RALGAPA2: variants seen among roughly 807,000 people sequenced by gnomAD.
RALGAPA2 encodes the protein ral GTPase-activating protein subunit alpha-2.
Under a neutral mutation model 230.4 loss-of-function variants are expected in RALGAPA2, and 139 were observed. That is an observed-to-expected ratio of 0.60 (90% CI 0.53 to 0.69). The LOEUF (loss-of-function observed/expected upper bound fraction) is 0.69, where lower values mean the gene tolerates loss of function less well. Among genes scored for constraint, RALGAPA2 ranks in the 30% least tolerant of loss-of-function variants. The pLI, the probability that RALGAPA2 is intolerant of heterozygous loss-of-function variation, is 0.00. For missense variants in RALGAPA2, 2,163 were observed against 2,276.0 expected (o/e 0.95, Z 1.01); for synonymous variants, 847 against 837.8 (o/e 1.01, Z -0.19).
chr20:20,555,241 G>A (rs563411046), intron 23 of RALGAPA2, among the ~76,000 whole-genome samples: 2 of 152,154 alleles, frequency 1.3e-5, no homozygotes, highest in African/African-American at 2.4e-5. Flanking sequence ...ATGGGCTTAC[G>A]AGTTTACTTC....
intron 24 of RALGAPA2, among the ~76,000 whole-genome samples, chr20:20,544,856 A>G (rs1236065282): frequency 6.7e-6 from 1 of 148,182 alleles, no homozygotes; most frequent in Non-Finnish European, 1.5e-5. Flanking sequence ...AATATCACAT[A>G]CTGGGGCCTG....
chr20:20,474,465 C>A (rs988481979), intron 36 of RALGAPA2, among the ~76,000 whole-genome samples: 2 of 152,136 alleles, frequency 1.3e-5, no homozygotes, highest in Non-Finnish European at 2.9e-5. Context: ...TGTTTTGGCA[C>A]CTGTGTTGAC....
At chr20:20,590,635 C>A (rs2065260329) in intron 17 of RALGAPA2, among the ~76,000 whole-genome samples, 1 of 152,178 alleles carries the variant, frequency 6.6e-6, no homozygotes, top group African/African-American at 2.4e-5. Context: ...CTTTCCACAC[C>A]CTGTTGCTGC....
intron 16 of RALGAPA2, among the ~76,000 whole-genome samples, chr20:20,595,500 G>A (rs954983607): frequency 3.3e-5 from 5 of 152,100 alleles, no homozygotes; most frequent in Admixed American, 1.3e-4. Flanking sequence ...CAGAAGCAGC[G>A]AGGCAAGGTT....
chr20:20,469,627 ACTC>A (rs1402117566), intron 37 of RALGAPA2, among the ~76,000 whole-genome samples: 1 of 152,088 alleles, frequency 6.6e-6, no homozygotes, highest in Non-Finnish European at 1.5e-5. Flanking sequence ...TTCAGGGTGA[ACTC>A]CTCCTAACGG....
In RALGAPA2 at chr20:20,482,023, A is replaced by G. The variant is rs115006166; in HGVS notation, c.5368-9067T>C. ...GAAATGTAAGGTATATTTCTGAGAA[A>G]CAGAATTTTTATTTTCCTACATTCC... is the stretch of plus-strand genomic sequence containing the variant. On this transcript the variant is annotated intron_variant, in intron 36 of 39. Transcript: ENST00000202677. 6.1e-3 allele frequency among the ~76,000 whole-genome samples: 931 copies of G among 152,344 alleles called. 7 individuals are homozygous for G. The highest frequency in any genetic ancestry group is 0.021 in the African/African-American group (877 of 41,580).
intron 37 of RALGAPA2, among the ~76,000 whole-genome samples, chr20:20,444,838 A>G (rs1462839427): frequency 6.6e-6 from 1 of 152,226 alleles, no homozygotes; most frequent in Non-Finnish European, 1.5e-5. Context: ...GTCTGAAAAT[A>G]TTAAATGGAA....
rs11087320 is a variant in RALGAPA2, at chr20:20,394,630, CAA to C, written c.*36-1379_*36-1378del. Among the ~76,000 whole-genome samples, 139 of 150,066 alleles carry C rather than the reference CAA, an allele frequency of 9.3e-4. 1 individual carries two copies. Among genetic ancestry groups the C allele is most frequent in the Admixed American group, 3.6e-3 (55 of 15,096 alleles). ...TAGGTGACAAAGTGAGACCCAGTCT[CAA>C]AAAAAAAACACCACACATGAAAAAC... is the stretch of plus-strand genomic sequence containing the variant. On this transcript the variant is annotated intron_variant, in intron 39 of 39. Coordinates refer to ENST00000202677, the MANE Select transcript of RALGAPA2 (RefSeq NM_020343.4).
intron 31 of RALGAPA2, among the ~76,000 whole-genome samples, chr20:20,514,865 G>A (rs143192354): frequency 1.6e-3 from 243 of 152,260 alleles, no homozygotes; most frequent in African/African-American, 5.5e-3. Context: ...ACCCAAACCC[G>A]CTCTCCTGAT....
At chr20:20,650,791 G>A (rs570112749) in intron 4 of RALGAPA2, among the ~76,000 whole-genome samples, 17 of 152,178 alleles carry the variant, frequency 1.1e-4, no homozygotes, top group African/African-American at 3.6e-4. Flanking sequence ...GTCAAGACCC[G>A]GACTGACTAA....
chr20:20,617,217 T>G (rs1568655511), intron 12 of RALGAPA2, among the ~76,000 whole-genome samples: 1 of 152,226 alleles, frequency 6.6e-6, no homozygotes, highest in Non-Finnish European at 1.5e-5. Flanking sequence ...TTTTTTAAAG[T>G]ATTGTATCAA....
chr20:20,504,595 G>A (rs368928002), intron 34 of RALGAPA2, among the ~76,000 whole-genome samples: 10 of 152,066 alleles, frequency 6.6e-5, no homozygotes, highest in Admixed American at 2.6e-4. Flanking sequence ...GTGTGGCGGC[G>A]CGTGCCTGTA....
intron 14 of RALGAPA2, 150 bp from the exon 15 acceptor site, chr20:20,605,562 C>G: frequency 1.5e-6 from 1 of 679,500 alleles, no homozygotes; most frequent in Admixed American, 2.9e-5. Context: ...TCTCAAAATT[C>G]ATTTGACCAA....
chr20:20,524,624 C>T (rs1212819316), intron 29 of RALGAPA2, 81 bp from the exon 30 acceptor site: 3 of 1,551,826 alleles, frequency 1.9e-6, no homozygotes, highest in Non-Finnish European at 2.7e-6. Flanking sequence ...ATTATCCCTA[C>T]ACCCAGTATT....
chr20:20,627,847 A>T (rs892347211), intron 10 of RALGAPA2, among the ~76,000 whole-genome samples: 6 of 152,230 alleles, frequency 3.9e-5, no homozygotes, highest in African/African-American at 1.4e-4. Context: ...AAAAGGCTTG[A>T]CTGGGAGTCA....
In RALGAPA2 at chr20:20,437,883, G is replaced by C. The variant is rs2060649280; in HGVS notation, c.5496-25735C>G. 4.6e-5 allele frequency among the ~76,000 whole-genome samples: 7 copies of C among 152,182 alleles called. No individual in the cohort carries two copies. The South Asian group carries it at 1.5e-3, about 32-fold the overall frequency. On this transcript the variant is annotated intron_variant, in intron 37 of 39. Coordinates refer to ENST00000202677, the MANE Select transcript of RALGAPA2 (RefSeq NM_020343.4). The surrounding 1 kb of genome is among the most constrained non-coding windows in gnomAD (Gnocchi z 4.1). ...TGGTATATCTAGCACCCAGAGAACA[G>C]GCCCCATACCTACAGAGTCTCAGAA...
intron 23 of RALGAPA2, among the ~76,000 whole-genome samples, chr20:20,553,812 C>T (rs1161845981): frequency 1.3e-5 from 2 of 152,192 alleles, no homozygotes. Context: ...TTTTTTATAA[C>T]TGCTTATCTA....
At chr20:20,470,356 G>C (rs2061511455) in intron 37 of RALGAPA2, among the ~76,000 whole-genome samples, 1 of 152,150 alleles carries the variant, frequency 6.6e-6, no homozygotes, top group African/African-American at 2.4e-5. Flanking sequence ...CGATTTTAAG[G>C]CAGTAAGTAT....
intron 23 of RALGAPA2, among the ~76,000 whole-genome samples, chr20:20,554,109 C>T (rs1038974488): frequency 2.0e-5 from 3 of 152,124 alleles, no homozygotes; most frequent in Non-Finnish European, 4.4e-5. Context: ...GGAGCATTTT[C>T]ATTACCTCAA....
Sources: allele counts gnomAD v4.1 joint callset (sites outside exome capture counted in the v4.1 genomes callset), GRCh38; gene constraint gnomAD v4.1.1; non-coding constraint Gnocchi (gnomAD v3.1); transcripts MANE v1.5; gene names NCBI Gene and HGNC (gene_info 2026-07-23, HGNC 2026-07-21).